VSTM2B: variants seen among roughly 807,000 people sequenced by gnomAD.
The protein encoded by VSTM2B is V-set and transmembrane domain containing 2B.
In VSTM2B, 24 loss-of-function variants were observed where a neutral mutation model predicts 24.0. That is an observed-to-expected ratio of 1.00 (90% CI 0.72 to 1.40). The LOEUF is 1.40. Among genes scored for constraint, VSTM2B ranks in the 40% most tolerant of loss-of-function variants. VSTM2B has a pLI of 0.00. For missense variants in VSTM2B, 399 were observed against 416.4 expected (o/e 0.96, Z 0.36); for synonymous variants, 226 against 194.4 (o/e 1.16, Z -1.35).
At chr19:29,545,142 C>T (rs568213301) in intron 4 of VSTM2B, among the ~76,000 whole-genome samples, 12 of 151,806 alleles carry the variant, frequency 7.9e-5, no homozygotes, top group Admixed American at 2.0e-4. Context: ...CTGAGGAGGA[C>T]GGAAATGAGT....
intron 4 of VSTM2B, among the ~76,000 whole-genome samples, chr19:29,559,227 G>C (rs909306634): frequency 3.9e-5 from 6 of 152,212 alleles, no homozygotes; most frequent in Non-Finnish European, 7.3e-5. Flanking sequence ...CCCCATCAAT[G>C]ATAGGCTGGA....
chr19:29,531,642 C>T (rs964418542), intron 4 of VSTM2B, among the ~76,000 whole-genome samples: 11 of 152,196 alleles, frequency 7.2e-5, no homozygotes, highest in Admixed American at 3.9e-4. Flanking sequence ...AGGCCTCATC[C>T]GTCTTGGATG....
rs756416884 is a variant in VSTM2B at position 29,530,217 on chromosome 19, G to A, written c.696G>A (p.Ala232=). The change falls in exon 4 of 5, where the codon GCG becomes GCA. Residue 232 remains alanine (A), a synonymous_variant. Transcript: ENST00000335523. ...CCCACACGCCCACCACCACAGTCGC[G>A]GCAGCTGCTGCTGCCTCGTCAGCGT... The part of the protein sequence containing the change: ...SAAHTPTTTV[A]AAAAASSASP... 58 of 1,502,952 alleles carry A rather than the reference G, an allele frequency of 3.9e-5. No individual in the cohort carries two copies. The highest frequency in any genetic ancestry group is 4.9e-5 in the Non-Finnish European group (55 of 1,133,102). 93.1% of individuals were successfully genotyped at this position (1,502,952 alleles called of 1,614,324 possible). A position where few individuals can be genotyped will look rare whatever the true frequency, so the allele number is the denominator to read the frequency against.
chr19:29,549,635 C>T (rs924908624), intron 4 of VSTM2B, among the ~76,000 whole-genome samples: 22 of 152,046 alleles, frequency 1.4e-4, no homozygotes, highest in South Asian at 6.2e-4. Flanking sequence ...AGACCCCTGA[C>T]GCTGGCCTCA....
chr19:29,545,282 C>G (rs758663247), intron 4 of VSTM2B, among the ~76,000 whole-genome samples: 3 of 152,036 alleles, frequency 2.0e-5, no homozygotes, highest in Non-Finnish European at 2.9e-5. Context: ...CTCCTGGGAA[C>G]TTGGGGAGCA....
At chr19:29,554,061 G>T (rs887775450) in intron 4 of VSTM2B, among the ~76,000 whole-genome samples, 1 of 152,010 alleles carries the variant, frequency 6.6e-6, no homozygotes, top group African/African-American at 2.4e-5. Context: ...TCAAATTCAG[G>T]AAACCCAGAG....
At chr19:29,563,005 G>C (rs1378415994) in intron 4 of VSTM2B, among the ~76,000 whole-genome samples, 2 of 152,146 alleles carry the variant, frequency 1.3e-5, no homozygotes, top group Non-Finnish European at 2.9e-5. Context: ...GCAACCCAAA[G>C]AGTGGACAGA....
intron 4 of VSTM2B, among the ~76,000 whole-genome samples, chr19:29,549,839 C>G (rs1970238368): frequency 6.6e-6 from 1 of 152,216 alleles, no homozygotes; most frequent in South Asian, 2.1e-4. Context: ...CCTCCTTCAG[C>G]TGGGGCATGG....
chr19:29,527,351 C>G lies in VSTM2B; in HGVS notation c.223C>G (p.Leu75Val). 6.5e-7 allele frequency: 1 copy of G among 1,547,328 alleles called. No homozygotes were observed. Among genetic ancestry groups the G allele is most frequent in the Middle Eastern group, 1.7e-4 (1 of 5,974 alleles). The change falls in exon 2 of 5, where the codon CTG becomes GTG. Residue 75 changes from leucine to valine, a missense_variant. Coordinates refer to ENST00000335523, the MANE Select transcript of VSTM2B (RefSeq NM_001146339.2). ...GTACCTCAAGGAGCCACCCCGGGAG[C>G]TGCTGCACGAGCTGGCGCTCAGCGT... ...WWYLKEPPRE[L>V]LHELALSVPG...
At chr19:29,551,897 A>T (rs575895542) in intron 4 of VSTM2B, among the ~76,000 whole-genome samples, 58 of 152,302 alleles carry the variant, frequency 3.8e-4, no homozygotes, top group African/African-American at 1.3e-3. Flanking sequence ...ACGCCATGTA[A>T]AAAAAGAGGC....
At chr19:29,541,231 TC>T (rs1970012174) in intron 4 of VSTM2B, among the ~76,000 whole-genome samples, 1 of 152,198 alleles carries the variant, frequency 6.6e-6, no homozygotes, top group Non-Finnish European at 1.5e-5. Flanking sequence ...CATGATGCCT[TC>T]AGAAATGGTC....
At chr19:29,528,610 G>T in intron 3 of VSTM2B, 148 bp downstream of exon 3, 1 of 992,480 alleles carries the variant, frequency 1.0e-6, no homozygotes, top group Admixed American at 2.6e-5. Flanking sequence ...GTGGCTGCTC[G>T]GCGTGTCCGG....
intron 4 of VSTM2B, among the ~76,000 whole-genome samples, chr19:29,544,475 G>C (rs1894392988): frequency 8.1e-6 from 1 of 123,356 alleles, no homozygotes; most frequent in Non-Finnish European, 1.6e-5. Flanking sequence ...GCAGTGAGCA[G>C]AGATCGCGCC....
Position 29,544,525 on chromosome 19 carries a change from C to CAAAAAAAAA in VSTM2B, c.769+14258_769+14266dup, listed in dbSNP as rs58540469. Among the ~76,000 whole-genome samples, 9 of 54,356 alleles carry CAAAAAAAAA rather than the reference C, an allele frequency of 1.7e-4. 1 individual carries two copies. Among genetic ancestry groups the CAAAAAAAAA allele is most frequent in the African/African-American group, 6.2e-4 (8 of 12,992 alleles). 35.7% of individuals were successfully genotyped at this position (54,356 alleles called of 152,430 possible). On this transcript the variant is annotated intron_variant, in intron 4 of 4. Transcript: ENST00000335523. ...TGGGCGAAAGAGCGAGACTCTGTCT[C>CAAAAAAAAA]AAAAAAAAAAAAAAAAAAAAAAAAA...
intron 4 of VSTM2B, among the ~76,000 whole-genome samples, chr19:29,538,264 T>A (rs184165599): frequency 6.6e-6 from 1 of 152,196 alleles, no homozygotes; most frequent in African/African-American, 2.4e-5. Context: ...AGTTCCGTCA[T>A]CTGTTATCAT....
chr19:29,556,978 A>G (rs974330964), intron 4 of VSTM2B, among the ~76,000 whole-genome samples: 1 of 152,236 alleles, frequency 6.6e-6, no homozygotes, highest in African/African-American at 2.4e-5. Flanking sequence ...TATAGATTCA[A>G]TGCCATTCCC....
Position 29,528,457 on chromosome 19 carries a change from A to G in VSTM2B, c.292A>G (p.Ile98Val). 1.9e-6 allele frequency: 3 copies of G among 1,550,998 alleles called. No homozygotes were observed. The highest frequency in any genetic ancestry group is 2.6e-6 in the Non-Finnish European group (3 of 1,146,930). The change falls in exon 3 of 5, where the codon ATC (isoleucine) becomes GTC (valine). Residue 98 changes from isoleucine (I) to valine (V), a missense_variant. By Grantham distance (29) the Ile-to-Val change is conservative (BLOSUM62 3). Coordinates refer to ENST00000335523, the MANE Select transcript of VSTM2B (RefSeq NM_001146339.2). ...SKVTNKDATK[I>V]STVRVQGNDI... Reference sequence around the variant, plus strand: ...GGTAACAAATAAGGATGCAACTAAAATCAGCGTAAGTGTGGAGCCCAGCGC... The same window carrying G: ...GGTAACAAATAAGGATGCAACTAAAGTCAGCGTAAGTGTGGAGCCCAGCGC...
chr19:29,542,658 G>T (rs1970051321), intron 4 of VSTM2B, among the ~76,000 whole-genome samples: 1 of 152,154 alleles, frequency 6.6e-6, no homozygotes, highest in African/African-American at 2.4e-5. Context: ...TGACGCATAG[G>T]TGGAAAGAAG....
chr19:29,526,355 G>C lies in VSTM2B; in HGVS notation c.-229G>C, dbSNP rs1969563757. 1 of 185,446 alleles carries C rather than the reference G, an allele frequency of 5.4e-6. No individual in the cohort carries two copies. The highest frequency in any genetic ancestry group is 2.4e-5 in the African/African-American group (1 of 42,112). 11.5% of individuals were successfully genotyped at this position (185,446 alleles called of 1,614,324 possible). Reference sequence around the variant, plus strand: ...CCGATCGCCAGCAGCCTCCCGGTGGGACCGCGTCTCCTGCACACCCCGCGC... The same window carrying C: ...CCGATCGCCAGCAGCCTCCCGGTGGCACCGCGTCTCCTGCACACCCCGCGC... On this transcript the variant is annotated 5_prime_UTR_variant, in exon 1 of 5. Transcript: ENST00000335523. This position sits in a 1 kb window ranked among gnomAD's most constrained non-coding sequence, Gnocchi z 4.1.
Sources: allele counts gnomAD v4.1 joint callset (sites outside exome capture counted in the v4.1 genomes callset), GRCh38; gene constraint gnomAD v4.1.1; non-coding constraint Gnocchi (gnomAD v3.1); transcripts MANE v1.5; gene names NCBI Gene and HGNC (gene_info 2026-07-23, HGNC 2026-07-21).